The following FGF12 variants were observed in gnomAD, a reference collection of about 807,000 sequenced individuals.
The protein encoded by FGF12 is fibroblast growth factor 12B.
A neutral mutation model predicts 23.6 loss-of-function variants in FGF12; 14 were observed. The ratio of observed to expected loss-of-function variants is 0.59; its 90% CI spans 0.39 to 0.93. The LOEUF is 0.93. Ranked by LOEUF, FGF12 falls within the 40% of genes least tolerant of loss-of-function variation. FGF12 has a pLI of 0.00. For synonymous variants in FGF12, 62 were observed against 77.3 expected, an observed-to-expected ratio of 0.80 and a Z score of 1.04; for missense variants, 175 against 217.8, an observed-to-expected ratio of 0.80 and a Z score of 1.24.
At chr3:192,612,007 C>T (rs1470144176) in intron 2 of FGF12, among the ~76,000 whole-genome samples, 1 of 151,952 alleles carries the variant, frequency 6.6e-6, no homozygotes, top group Non-Finnish European at 1.5e-5. Context: ...ATGAGTTCAA[C>T]CCTGTTAAAC....
intron 2 of FGF12, among the ~76,000 whole-genome samples, chr3:192,455,176 C>T (rs1035146900): frequency 1.3e-5 from 2 of 152,100 alleles, no homozygotes; most frequent in Admixed American, 6.5e-5. Flanking sequence ...ATATGATGTA[C>T]AGAAAGTTTC....
At chr3:192,529,182 A>G (rs952671104) in intron 2 of FGF12, among the ~76,000 whole-genome samples, 6 of 152,190 alleles carry the variant, frequency 3.9e-5, no homozygotes, top group Non-Finnish European at 5.9e-5. Context: ...ATGGCACCCA[A>G]GTCACATCTT....
In FGF12 at chr3:192,484,315, TAAAAAA is replaced by T. The variant is rs57914760; in HGVS notation, c.14-123783_14-123778del. On this transcript the variant is annotated intron_variant, in intron 2 of 5. Coordinates refer to ENST00000445105, the MANE Select transcript of FGF12 (RefSeq NM_004113.6). ...TCCAATAGAGATCCTTCCATTTTCC[TAAAAAA>T]AAAAAAAAAAAAAAAAAGAACATCA... Among the ~76,000 whole-genome samples, 544 of 99,668 alleles carry T rather than the reference TAAAAAA, an allele frequency of 5.5e-3. 3 individuals are homozygous for T. Among genetic ancestry groups the T allele is most frequent in the African/African-American group, 0.015 (523 of 33,846 alleles). 65.4% of individuals were successfully genotyped at this position (99,668 alleles called of 152,430 possible). A position where few individuals can be genotyped will look rare whatever the true frequency, so the allele number is the denominator to read the frequency against.
chr3:192,492,932 T>TATC (rs1169717050), intron 2 of FGF12, among the ~76,000 whole-genome samples: 1 of 151,490 alleles, frequency 6.6e-6, no homozygotes, highest in Non-Finnish European at 1.5e-5. Context: ...AGGCATGTGC[T>TATC]ATCATGCCTG....
At chr3:192,502,240 C>T (rs1414072160) in intron 2 of FGF12, among the ~76,000 whole-genome samples, 1 of 152,152 alleles carries the variant, frequency 6.6e-6, no homozygotes, top group African/African-American at 2.4e-5. Flanking sequence ...ATGCTTCCAA[C>T]GAGGTGTTAA....
rs934512124 is a variant in FGF12, at chr3:192,391,968, C to G, written c.14-31430G>C. ...AAGCAAAGATTTATGTTTACTAAAG[C>G]CTTGCTACTCAATGTGTGGTCACCA... On this transcript the variant is annotated intron_variant, in intron 2 of 5. Transcript: ENST00000445105. Among the ~76,000 whole-genome samples, 58 of 152,116 alleles carry G rather than the reference C, an allele frequency of 3.8e-4. 1 individual carries two copies. The highest frequency in any genetic ancestry group is 8.8e-5 in the Non-Finnish European group (6 of 68,022).
chr3:192,385,241 C>A (rs1719991568), intron 2 of FGF12, among the ~76,000 whole-genome samples: 1 of 151,888 alleles, frequency 6.6e-6, no homozygotes, highest in Admixed American at 6.6e-5. Flanking sequence ...TAATATGTTA[C>A]AACATATCCT....
intron 2 of FGF12, among the ~76,000 whole-genome samples, chr3:192,379,176 T>G (rs1312189062): frequency 6.6e-6 from 1 of 152,240 alleles, no homozygotes; most frequent in Non-Finnish European, 1.5e-5. Flanking sequence ...TTAGGTCGAT[T>G]GTATGACTTT....
intron 2 of FGF12, among the ~76,000 whole-genome samples, chr3:192,585,391 G>A (rs1287639090): frequency 6.6e-6 from 1 of 152,002 alleles, no homozygotes; most frequent in Admixed American, 6.6e-5. Flanking sequence ...AGGAGTGAGG[G>A]GTGGGAGCAG....
intron 2 of FGF12, among the ~76,000 whole-genome samples, chr3:192,383,188 T>A (rs963073707): frequency 5.9e-5 from 9 of 152,218 alleles, no homozygotes; most frequent in African/African-American, 1.9e-4. Flanking sequence ...CAGCATGGCA[T>A]GGAAGACAAA....
In FGF12 at chr3:192,360,695, CTTT is replaced by C; in HGVS notation, c.14-160_14-158del. The C allele has an allele frequency of 1.9e-6, 1 of 539,692 alleles. No individual in the cohort carries two copies. The highest frequency in any genetic ancestry group is 3.3e-6 in the Non-Finnish European group (1 of 299,894). The allele number at this position is 539,692 out of a possible 1,614,324, so 33.4% of individuals were successfully genotyped here. A position where few individuals can be genotyped will look rare whatever the true frequency, so the allele number is the denominator to read the frequency against. ...TGGGTGTTTCAGTAACATATCTATG[CTTT>C]TTTTTTTCCATTTAGAGGTAGAGCT... On this transcript the variant is annotated intron_variant, in intron 2 of 5. Coordinates refer to ENST00000445105, the MANE Select transcript of FGF12 (RefSeq NM_004113.6). The surrounding 1 kb of genome is among the most constrained non-coding windows in gnomAD (Gnocchi z 4.3).
At chr3:192,147,169 C>T (rs1220722325) in intron 5 of FGF12, among the ~76,000 whole-genome samples, 2 of 152,112 alleles carry the variant, frequency 1.3e-5, no homozygotes, top group Non-Finnish European at 2.9e-5. Flanking sequence ...AATACAAATA[C>T]GGAGAGCAAA....
At chr3:192,174,575 A>C (rs1465201113) in intron 4 of FGF12, among the ~76,000 whole-genome samples, 1 of 152,176 alleles carries the variant, frequency 6.6e-6, no homozygotes, top group Non-Finnish European at 1.5e-5. Context: ...TGGACGGGAA[A>C]TCTTAATGGC....
intron 2 of FGF12, among the ~76,000 whole-genome samples, chr3:192,704,308 T>G (rs891604564): frequency 2.6e-5 from 4 of 152,230 alleles, no homozygotes; most frequent in African/African-American, 9.6e-5. Context: ...CATAACTGTT[T>G]GATCCATGGC....
intron 4 of FGF12, among the ~76,000 whole-genome samples, chr3:192,174,554 A>C (rs117647004): frequency 0.044 from 6,640 of 152,242 alleles, 193 homozygotes; most frequent in Admixed American, 0.059. Flanking sequence ...CAGGCAGGCT[A>C]CCCTATAAAC....
intron 2 of FGF12, among the ~76,000 whole-genome samples, chr3:192,389,657 G>A (rs898828110): frequency 1.3e-5 from 2 of 152,142 alleles, no homozygotes; most frequent in African/African-American, 2.4e-5. Context: ...GATACAAAAC[G>A]CTAATAAAAA....
In FGF12 at chr3:192,711,457, C is replaced by G. The variant is rs1411764163; in HGVS notation, c.13+15724G>C. Among the ~76,000 whole-genome samples the G allele has an allele frequency of 5.9e-5, 9 of 152,288 alleles. No individual in the cohort carries two copies. In the South Asian group the frequency reaches 8.3e-4, roughly 14 times the overall value. ...CCCGTCTGGGAGGTGTACCCAACAG[C>G]TCATTGAGAACGGGCCATGATGAAG... On this transcript the variant is annotated intron_variant, in intron 2 of 5. Transcript: ENST00000445105.
intron 5 of FGF12, among the ~76,000 whole-genome samples, chr3:192,146,827 A>C (rs1314499185): frequency 6.6e-6 from 1 of 152,206 alleles, no homozygotes; most frequent in Non-Finnish European, 1.5e-5. Flanking sequence ...GCGGTATTGC[A>C]AATTGACATC....
chr3:192,573,150 T>C (rs1712723848), intron 2 of FGF12, among the ~76,000 whole-genome samples: 1 of 152,044 alleles, frequency 6.6e-6, no homozygotes, highest in South Asian at 2.1e-4. Flanking sequence ...TCTCTTCCTG[T>C]AGGATAGGGG....
Sources: gnomAD v4.1 joint callset for allele counts (sites outside exome capture counted in the v4.1 genomes callset) on GRCh38, gnomAD v4.1.1 for gene constraint, Gnocchi (gnomAD v3.1) non-coding constraint, MANE v1.5 for transcripts, NCBI Gene and HGNC (gene_info 2026-07-23, HGNC 2026-07-21) for gene names.